SEL1L3: variants seen among roughly 807,000 people sequenced by gnomAD.
The protein encoded by SEL1L3 is SEL1L family member 3.
Under a neutral mutation model 142.8 loss-of-function variants are expected in SEL1L3, and 76 were observed. The observed-to-expected ratio is 0.53, with a 90% confidence interval of 0.44 to 0.64. The LOEUF (loss-of-function observed/expected upper bound fraction) is 0.64, where lower values mean the gene tolerates loss of function less well. Among genes scored for constraint, SEL1L3 ranks in the 30% least tolerant of loss-of-function variants. The pLI, the probability that SEL1L3 is intolerant of heterozygous loss-of-function variation, is 0.00. For synonymous variants in SEL1L3, 504 were observed against 519.6 expected (o/e 0.97, Z 0.41); for missense variants, 1,262 against 1,381.7 (o/e 0.91, Z 1.37).
At chr4:25,838,118 T>A (rs1213314727) in intron 2 of SEL1L3, among the ~76,000 whole-genome samples, 2 of 152,208 alleles carry the variant, frequency 1.3e-5, no homozygotes, top group Non-Finnish European at 2.9e-5. Context: ...TTTGAACCTG[T>A]CTCCCTTCCT....
intron 9 of SEL1L3, among the ~76,000 whole-genome samples, chr4:25,809,718 T>C (rs1713887464): frequency 1.3e-5 from 2 of 152,238 alleles, no homozygotes; most frequent in Non-Finnish European, 2.9e-5. Flanking sequence ...CCATTGTTTG[T>C]TTTCTTGGTG....
chr4:25,825,753 C>A (rs1031873028), intron 6 of SEL1L3, among the ~76,000 whole-genome samples: 1 of 141,842 alleles, frequency 7.1e-6, no homozygotes, highest in African/African-American at 2.6e-5. Context: ...CAGCTCACTG[C>A]AACCTCTGCC....
At chr4:25,763,412 C>T (rs977474970) in intron 20 of SEL1L3, among the ~76,000 whole-genome samples, 47 of 152,286 alleles carry the variant, frequency 3.1e-4, no homozygotes, top group African/African-American at 1.1e-3. Flanking sequence ...CCCCCATTTA[C>T]ATTTACACAT....
chr4:25,714,545 TTTCTTTC>T, the SEL1L3 span, among the ~76,000 whole-genome samples: 8 of 138,754 alleles, frequency 5.8e-5, no homozygotes, highest in East Asian at 6.1e-4. Flanking sequence ...TCTTTCTTTC[TTTCTTTC>T]TTCTTTCTTT....
the SEL1L3 span, among the ~76,000 whole-genome samples, chr4:25,716,952 C>A: frequency 2.0e-5 from 3 of 151,978 alleles, no homozygotes; most frequent in African/African-American, 2.4e-5. Context: ...CATGGTGAAA[C>A]CCTGTCACTA....
At chr4:25,820,421 C>G (rs530038728) in intron 7 of SEL1L3, among the ~76,000 whole-genome samples, 1 of 152,366 alleles carries the variant, frequency 6.6e-6, no homozygotes, top group South Asian at 2.1e-4. Context: ...CCGATGTATC[C>G]GTTCCTGCCT....
intron 1 of SEL1L3, among the ~76,000 whole-genome samples, chr4:25,848,761 A>G (rs531389722): frequency 1.7e-4 from 26 of 152,362 alleles, no homozygotes; most frequent in Non-Finnish European, 2.8e-4. Context: ...TGGAACCCTT[A>G]TGCACTCTTA....
chr4:25,757,862 A>C lies in SEL1L3; in HGVS notation c.3084-72T>G, dbSNP rs114273545. The stretch of plus-strand genomic sequence containing the variant: ...GGCACGACTCAGGACTGGCATTTTC[A>C]GATCCACAAACCTACATTCTTCTGC... On this transcript the variant is annotated intron_variant, in intron 21 of 23. Coordinates refer to ENST00000399878, the MANE Select transcript of SEL1L3 (RefSeq NM_015187.5). 2.6e-3 allele frequency: 2,652 copies of C among 1,012,184 alleles called. 56 individuals carry two copies. In the African/African-American group the frequency reaches 0.038, roughly 14 times the overall value. 62.7% of individuals were successfully genotyped at this position (1,012,184 alleles called of 1,614,324 possible). A position where few individuals can be genotyped will look rare whatever the true frequency, so the allele number is the denominator to read the frequency against.
chr4:25,787,589 G>T (rs1376251465), intron 13 of SEL1L3, among the ~76,000 whole-genome samples: 1 of 152,188 alleles, frequency 6.6e-6, no homozygotes, highest in African/African-American at 2.4e-5. Flanking sequence ...CAAAGTGCTG[G>T]GATTACAGGT....
chr4:25,788,901 A>T lies in SEL1L3; in HGVS notation c.2077-537T>A, dbSNP rs543163877. Among the ~76,000 whole-genome samples the T allele has an allele frequency of 2.0e-5, 3 of 152,294 alleles. No individual in the cohort carries two copies. In the East Asian group the frequency reaches 5.8e-4, roughly 29 times the overall value. The stretch of plus-strand genomic sequence containing the variant: ...CTTTGTCCCTGTCTGTTAGCCCCCC[A>T]ACCCAGCAGAGCTCAGCAGGTCATA... On this transcript the variant is annotated intron_variant, in intron 12 of 23. Transcript: ENST00000399878. The surrounding 1 kb of genome is among the most constrained non-coding windows in gnomAD (Gnocchi z 5.3).
At chr4:25,747,014 GC>G (rs1251313851), downstream of SEL1L3, among the ~76,000 whole-genome samples, 1 of 152,102 alleles carries the variant, frequency 6.6e-6, no homozygotes, top group Non-Finnish European at 1.5e-5. Context: ...AGATTACTGA[GC>G]TTGTCAGTTA....
intron 6 of SEL1L3, among the ~76,000 whole-genome samples, chr4:25,828,898 C>T (rs1715263676): frequency 6.6e-6 from 1 of 152,202 alleles, no homozygotes; most frequent in African/African-American, 2.4e-5. Flanking sequence ...TCATCCCAGA[C>T]AAAGTGCCTA....
chr4:25,798,554 G>A (rs1442387074), intron 11 of SEL1L3, among the ~76,000 whole-genome samples: 2 of 152,140 alleles, frequency 1.3e-5, no homozygotes, highest in African/African-American at 4.8e-5. Flanking sequence ...ACGGCTGGGC[G>A]AGGTGGCTCA....
chr4:25,733,843 A>G, the SEL1L3 span, among the ~76,000 whole-genome samples: 1 of 152,092 alleles, frequency 6.6e-6, no homozygotes, highest in African/African-American at 2.4e-5. Flanking sequence ...AAGGACTTCC[A>G]GTACAATGCT....
chr4:25,752,155 G>A (rs757656847), intron 23 of SEL1L3, among the ~76,000 whole-genome samples: 15 of 149,000 alleles, frequency 1.0e-4, no homozygotes, highest in Non-Finnish European at 2.1e-4. Flanking sequence ...GGTGGCTAAC[G>A]CCTGTAATCC....
downstream of SEL1L3, among the ~76,000 whole-genome samples, chr4:25,746,531 A>T (rs916260052): frequency 3.5e-4 from 42 of 119,520 alleles, no homozygotes; most frequent in African/African-American, 1.0e-3. Flanking sequence ...TATATATTTA[A>T]ATATATATAT....
the SEL1L3 span, among the ~76,000 whole-genome samples, chr4:25,716,391 T>C: frequency 6.6e-6 from 1 of 152,164 alleles, no homozygotes; most frequent in African/African-American, 2.4e-5. Flanking sequence ...ATAGAGAACA[T>C]TCATAGCTTG....
chr4:25,815,166 C>G (rs923784707), intron 9 of SEL1L3, among the ~76,000 whole-genome samples: 2 of 152,172 alleles, frequency 1.3e-5, no homozygotes, highest in Non-Finnish European at 2.9e-5. Flanking sequence ...TATGGTCCCT[C>G]GGGGGAAGCT....
chr4:25,769,540 TG>T (rs1322924525), intron 17 of SEL1L3, among the ~76,000 whole-genome samples: 1 of 152,162 alleles, frequency 6.6e-6, no homozygotes, highest in Non-Finnish European at 1.5e-5. Flanking sequence ...GCAAAATCTA[TG>T]TTTGGCTACA....
Sources: allele counts gnomAD v4.1 joint callset (sites outside exome capture counted in the v4.1 genomes callset), GRCh38; gene constraint gnomAD v4.1.1; non-coding constraint Gnocchi (gnomAD v3.1); transcripts MANE v1.5; gene names NCBI Gene and HGNC (gene_info 2026-07-23, HGNC 2026-07-21).